KCNIP4: variants seen among roughly 807,000 people sequenced by gnomAD.
KCNIP4 encodes Kv channel-interacting protein 4.
A neutral mutation model predicts 34.0 loss-of-function variants in KCNIP4; 12 were observed. The ratio of observed to expected loss-of-function variants is 0.35; its 90% confidence interval spans 0.23 to 0.57. KCNIP4 has a LOEUF of 0.57. KCNIP4 is among the 20% of genes least tolerant of loss of function. The pLI is 0.83. For synonymous variants in KCNIP4, 124 were observed against 102.2 expected, an observed-to-expected ratio of 1.21 and a Z score of -1.29; for missense variants, 238 against 311.7, an observed-to-expected ratio of 0.76 and a Z score of 1.78.
chr4:21,712,313 A>G (rs772663449), intron 1 of KCNIP4, among the ~76,000 whole-genome samples: 4 of 152,218 alleles, frequency 2.6e-5, no homozygotes, highest in Non-Finnish European at 4.4e-5. Flanking sequence ...AAGTCAAGCA[A>G]AATGAACTGG....
intron 1 of KCNIP4, among the ~76,000 whole-genome samples, chr4:21,933,734 T>C (rs374089091): frequency 3.9e-4 from 59 of 152,154 alleles, no homozygotes; most frequent in African/African-American, 1.3e-3. Context: ...GAGAGAAAAA[T>C]AGTTTGCCTC....
At chr4:21,792,027 A>AAAAAAC (rs1720324666) in intron 1 of KCNIP4, among the ~76,000 whole-genome samples, 1 of 128,940 alleles carries the variant, frequency 7.8e-6, no homozygotes, top group African/African-American at 2.7e-5. Flanking sequence ...AAAAAAAAAA[A>AAAAAAC]AACCTACCTC....
At chr4:21,804,039 T>G (rs2109257785) in intron 1 of KCNIP4, among the ~76,000 whole-genome samples, 1 of 152,346 alleles carries the variant, frequency 6.6e-6, no homozygotes, top group Non-Finnish European at 1.5e-5. Flanking sequence ...AAGAGGGGCT[T>G]GGTACAAGAT....
intron 1 of KCNIP4, among the ~76,000 whole-genome samples, chr4:21,735,192 A>T (rs1247226682): frequency 6.6e-6 from 1 of 152,036 alleles, no homozygotes; most frequent in Non-Finnish European, 1.5e-5. Context: ...GCAAGTACCA[A>T]GTGTGGGAGT....
At chr4:21,942,655 A>G (rs1730264665) in intron 1 of KCNIP4, among the ~76,000 whole-genome samples, 1 of 152,248 alleles carries the variant, frequency 6.6e-6, no homozygotes, top group South Asian at 2.1e-4. Flanking sequence ...TTAACATGCA[A>G]TCAAATGTGA....
intron 1 of KCNIP4, among the ~76,000 whole-genome samples, chr4:21,940,024 T>A (rs1036785078): frequency 3.3e-5 from 5 of 152,142 alleles, no homozygotes; most frequent in African/African-American, 4.8e-5. Context: ...ATTTTCAAAT[T>A]CCTTTAGGAT....
At chr4:21,021,627 A>T (rs1216549348) in intron 1 of KCNIP4, among the ~76,000 whole-genome samples, 1 of 152,096 alleles carries the variant, frequency 6.6e-6, no homozygotes, top group South Asian at 2.1e-4. Context: ...ATTAGCCTAG[A>T]CCTATACATG....
chr4:21,375,641 A>G (rs1292071159), intron 1 of KCNIP4, among the ~76,000 whole-genome samples: 1 of 150,374 alleles, frequency 6.7e-6, no homozygotes, highest in East Asian at 2.0e-4. Flanking sequence ...ATCTCTGCTC[A>G]CTGCAAGCTC....
intron 1 of KCNIP4, among the ~76,000 whole-genome samples, chr4:21,640,825 A>G (rs1334837450): frequency 6.6e-6 from 1 of 152,186 alleles, no homozygotes; most frequent in Non-Finnish European, 1.5e-5. Flanking sequence ...CTGGGGTCAT[A>G]TGATCCAGCA....
chr4:21,559,703 C>T (rs963555127), intron 1 of KCNIP4, among the ~76,000 whole-genome samples: 1 of 151,962 alleles, frequency 6.6e-6, no homozygotes, highest in Non-Finnish European at 1.5e-5. Flanking sequence ...CTAGACTATG[C>T]AGAGAAAGTA....
chr4:21,457,048 G>A (rs966486813), intron 1 of KCNIP4, among the ~76,000 whole-genome samples: 1 of 151,824 alleles, frequency 6.6e-6, no homozygotes, highest in African/African-American at 2.4e-5. Context: ...CTCTTCAGTT[G>A]TGGAAAAAAA....
chr4:21,639,976 G>A (rs1035674352), intron 1 of KCNIP4, among the ~76,000 whole-genome samples: 5 of 152,110 alleles, frequency 3.3e-5, no homozygotes, highest in Non-Finnish European at 7.4e-5. Flanking sequence ...AGTCCCCAAA[G>A]GTTCTGATTA....
chr4:20,729,970 TAATATGCTTCAGTGTC>T lies in KCNIP4; in HGVS notation c.*96_*111del. ...TATATTAAAACAAAGCTTGTTTGCATAATATGCTTCAGTGTCAAGCTGAGCAATCTATGCTAAAAGT... is the reference window on the plus strand; with the variant it reads ...TATATTAAAACAAAGCTTGTTTGCATAAGCTGAGCAATCTATGCTAAAAGT... On this transcript the variant is annotated 3_prime_UTR_variant, in exon 9 of 9. Transcript: ENST00000382152. 1 of 1,254,316 alleles carries T rather than the reference TAATATGCTTCAGTGTC, an allele frequency of 8.0e-7. No homozygotes were observed. The highest frequency in any genetic ancestry group is 1.5e-5 in the African/African-American group (1 of 65,770). 77.7% of individuals were successfully genotyped at this position (1,254,316 alleles called of 1,614,324 possible). A position where few individuals can be genotyped will look rare whatever the true frequency, so the allele number is the denominator to read the frequency against.
At chr4:21,889,935 T>C (rs543817850) in intron 1 of KCNIP4, among the ~76,000 whole-genome samples, 4 of 152,266 alleles carry the variant, frequency 2.6e-5, no homozygotes, top group South Asian at 2.1e-4. Flanking sequence ...GTTTGAATAT[T>C]GGTTTTGGAA....
At chr4:21,333,291 G>A (rs1032684295) in intron 1 of KCNIP4, among the ~76,000 whole-genome samples, 3 of 151,556 alleles carry the variant, frequency 2.0e-5, no homozygotes, top group Non-Finnish European at 2.9e-5. Flanking sequence ...TCCCTTGTAA[G>A]TCTTTTTACC....
intron 1 of KCNIP4, among the ~76,000 whole-genome samples, chr4:21,771,807 T>A (rs1381959712): frequency 6.6e-6 from 1 of 152,210 alleles, no homozygotes. Flanking sequence ...AAGTTGCTTA[T>A]CAGCTCAAGA....
At chr4:21,341,058 T>A (rs1393047294) in intron 1 of KCNIP4, among the ~76,000 whole-genome samples, 3 of 152,084 alleles carry the variant, frequency 2.0e-5, no homozygotes, top group Non-Finnish European at 4.4e-5. Context: ...TAAGACCATG[T>A]GAAAACACAC....
intron 1 of KCNIP4, among the ~76,000 whole-genome samples, chr4:21,454,774 C>T (rs549719349): frequency 1.5e-4 from 23 of 152,136 alleles, no homozygotes; most frequent in African/African-American, 5.1e-4. Flanking sequence ...TCTTATTTTC[C>T]ATGTTTTCTC....
chr4:21,803,844 T>C (rs1229073211), intron 1 of KCNIP4, among the ~76,000 whole-genome samples: 5 of 152,222 alleles, frequency 3.3e-5, no homozygotes, highest in African/African-American at 1.2e-4. Flanking sequence ...CTGAACAGAA[T>C]AAAAGCTCCA....
Sources: gnomAD v4.1 joint callset for allele counts (sites outside exome capture counted in the v4.1 genomes callset) on GRCh38, gnomAD v4.1.1 for gene constraint, MANE v1.5 for transcripts, NCBI Gene and HGNC (gene_info 2026-07-23, HGNC 2026-07-21) for gene names.